LHX3: variants seen among roughly 807,000 people sequenced by gnomAD.
LHX3 encodes LIM/homeobox protein Lhx3.
A neutral mutation model predicts 32.4 loss-of-function variants in LHX3; 21 were observed. That is an observed-to-expected ratio of 0.65 (90% CI 0.46 to 0.93). LHX3 has a LOEUF of 0.93. LHX3 is among the 40% of genes least tolerant of loss of function. The pLI, the probability that LHX3 is intolerant of heterozygous loss-of-function variation, is 0.00. For missense variants in LHX3, 626 were observed against 560.0 expected (o/e 1.12, Z -1.19); for synonymous variants, 258 against 246.8 (o/e 1.05, Z -0.43).
In LHX3 at chr9:136,199,038, CGCTTGGCCGTGGCCTCG is replaced by C; in HGVS notation, c.459_475del (p.Glu154AlafsTer95). On this transcript the variant is annotated frameshift_variant, in exon 4 of 6. Transcript: ENST00000371748. LOFTEE classifies it high-confidence loss of function. ...CTTGGCGGTGATGGTCGTGCGCGGC[CGCTTGGCCGTGGCCTCG>C]GCCTCTGCGCGGCGGGCGAGCGGTG... 6.3e-7 allele frequency: 1 copy of C among 1,576,274 alleles called. No individual in the cohort carries two copies. Among genetic ancestry groups the C allele is most frequent in the Non-Finnish European group, 8.6e-7 (1 of 1,167,254 alleles).
chr9:136,197,809 T>C (rs2131030963), intron 5 of LHX3, 66 bp from the exon 6 acceptor site: 1 of 1,561,586 alleles, frequency 6.4e-7, no homozygotes, highest in Non-Finnish European at 8.7e-7. Flanking sequence ...AGTCCCATCC[T>C]GCAGGCGGAG....
chr9:136,196,893 T>G lies in LHX3; in HGVS notation c.*432A>C. The G allele has an allele frequency of 5.4e-6, 1 of 185,310 alleles. No homozygotes were observed. Among genetic ancestry groups the G allele is most frequent in the Non-Finnish European group, 1.1e-5 (1 of 89,144 alleles). The allele number at this position is 185,310 out of a possible 1,614,324, so 11.5% of individuals were successfully genotyped here. On this transcript the variant is annotated 3_prime_UTR_variant, in exon 6 of 6. Transcript: ENST00000371748. The stretch of plus-strand genomic sequence containing the variant: ...CCGACCTAAAGAGGGAGCCTCGGGG[T>G]GACGGCTCCAAGACACATGGAGCCT...
Position 136,197,000 on chromosome 9 carries a change from G to T in LHX3, c.*325C>A, listed in dbSNP as rs1831506071. Reference sequence around the variant, plus strand: ...CCAGCCCTCGGGCTATGCTGGGCTGGGCTGGGCCTCAGCAAGGTGACATTT... The same window carrying T: ...CCAGCCCTCGGGCTATGCTGGGCTGTGCTGGGCCTCAGCAAGGTGACATTT... On this transcript the variant is annotated 3_prime_UTR_variant, in exon 6 of 6. Coordinates refer to ENST00000371748, the MANE Select transcript of LHX3 (RefSeq NM_178138.6). 2.1e-6 allele frequency: 1 copy of T among 471,812 alleles called. No individual in the cohort carries two copies. The highest frequency in any genetic ancestry group is 5.8e-4 in the Middle Eastern group (1 of 1,732). 29.2% of individuals were successfully genotyped at this position (471,812 alleles called of 1,614,324 possible).
At chr9:136,204,901 C>G in intron 1 of LHX3, 33 bp downstream of exon 1, 2 of 1,561,222 alleles carry the variant, frequency 1.3e-6, no homozygotes, top group Non-Finnish European at 1.7e-6. Flanking sequence ...CCGCCCTTGC[C>G]GTTTCTGTCC....
intron 3 of LHX3, among the ~76,000 whole-genome samples, chr9:136,199,392 T>C (rs910370261): frequency 2.0e-5 from 3 of 152,166 alleles, no homozygotes; most frequent in Admixed American, 6.5e-5. Flanking sequence ...CCCTTTATTC[T>C]AAGGGTGTGG....
chr9:136,203,489 G>C (rs935961741), intron 1 of LHX3, among the ~76,000 whole-genome samples: 1 of 152,162 alleles, frequency 6.6e-6, no homozygotes. Flanking sequence ...GAGAGGGGTC[G>C]AGAAGGCAGC....
In LHX3 at chr9:136,197,098, T is replaced by C; in HGVS notation, c.*227A>G. 1 of 591,704 alleles carries C rather than the reference T, an allele frequency of 1.7e-6. No individual in the cohort carries two copies. The highest frequency in any genetic ancestry group is 2.0e-5 in the South Asian group (1 of 49,332). 36.7% of individuals were successfully genotyped at this position (591,704 alleles called of 1,614,324 possible). The stretch of plus-strand genomic sequence containing the variant: ...GGAGAAATTTGCTTACAAAAAAGGC[T>C]GGCTTGCTGGGAGGCCACCTGGCGG... On this transcript the variant is annotated 3_prime_UTR_variant, in exon 6 of 6. Transcript: ENST00000371748.
chr9:136,198,548 C>T, intron 5 of LHX3, 104 bp downstream of exon 5: 2 of 1,269,456 alleles, frequency 1.6e-6, no homozygotes, highest in South Asian at 1.3e-5. Context: ...CTTAAGGAGT[C>T]CACTAACTCC....
At chr9:136,204,407 G>A (rs957149184) in intron 1 of LHX3, among the ~76,000 whole-genome samples, 15 of 151,994 alleles carry the variant, frequency 9.9e-5, no homozygotes, top group Non-Finnish European at 1.5e-4. Flanking sequence ...AAGCGATCAG[G>A]GGTCGTGTGT....
At chr9:136,201,044 T>C in intron 1 of LHX3, 1 of 1,096,546 alleles carries the variant, frequency 9.1e-7, no homozygotes, top group East Asian at 2.6e-5. Flanking sequence ...GAATACTCAA[T>C]TACAAAATGT....
At chr9:136,203,434 A>G (rs759414332) in intron 1 of LHX3, among the ~76,000 whole-genome samples, 71 of 152,306 alleles carry the variant, frequency 4.7e-4, no homozygotes, top group Non-Finnish European at 9.4e-4. Context: ...GCCCAGAGGC[A>G]GAGGCCTGAG....
In LHX3 at chr9:136,198,978, G is replaced by T; in HGVS notation, c.536C>A (p.Ser179Ter). The change falls in exon 4 of 6, where the codon TCG becomes TAG. Residue 179 changes from serine to a stop codon, truncating the protein, a stop_gained. Coordinates refer to ENST00000371748, the MANE Select transcript of LHX3 (RefSeq NM_178138.6). LOFTEE classifies it high-confidence loss of function. ...GCGCACGTGGCGCGCCGGCTTGGGC[G>T]AGGTGTTGTAAGCGCTCTTCAGCGT... ...LETLKSAYNT[S>*]PKPARHVREQ... The T allele has an allele frequency of 6.3e-7, 1 of 1,593,268 alleles. No individual in the cohort carries two copies.
At chr9:136,200,486 G>A (rs1163404404) in intron 2 of LHX3, 96 bp downstream of exon 2, 11 of 1,360,634 alleles carry the variant, frequency 8.1e-6, no homozygotes, top group South Asian at 7.4e-5. Context: ...GAGAGACGCA[G>A]GCTTCGAGGG....
In LHX3 at chr9:136,199,620, G is replaced by A. The variant is rs896183767; in HGVS notation, c.454+58C>T. The A allele has an allele frequency of 1.9e-6, 3 of 1,575,102 alleles. No homozygotes were observed. In the African/African-American group the frequency reaches 4.0e-5, roughly 21 times the overall value. On this transcript the variant is annotated intron_variant, in intron 3 of 5. Transcript: ENST00000371748. The stretch of plus-strand genomic sequence containing the variant: ...TTCCCCGGACGCCCCCCTGGGCGTG[G>A]CCTCAGCCCCATTTTTTTCAGACCA...
At chr9:136,204,710 A>T (rs1169138518) in intron 1 of LHX3, among the ~76,000 whole-genome samples, 2 of 151,774 alleles carry the variant, frequency 1.3e-5, no homozygotes, top group African/African-American at 4.8e-5. Context: ...CTTTTTTTCT[A>T]GGGGCCTCCA....
chr9:136,199,587 G>T (rs1831586188), intron 3 of LHX3, 91 bp downstream of exon 3: 2 of 1,387,490 alleles, frequency 1.4e-6, no homozygotes, highest in Non-Finnish European at 2.0e-6. Context: ...AGCGCTTGGG[G>T]AGAGAATTTC....
chr9:136,202,319 G>A (rs1831660715), intron 1 of LHX3, among the ~76,000 whole-genome samples: 1 of 152,118 alleles, frequency 6.6e-6, no homozygotes, highest in Middle Eastern at 3.4e-3. Context: ...CCATCCTGCG[G>A]CTCCAGCTGG....
intron 1 of LHX3, among the ~76,000 whole-genome samples, chr9:136,204,604 CG>C (rs1831714456): frequency 6.6e-6 from 1 of 152,166 alleles, no homozygotes. Flanking sequence ...AGACCTGGGC[CG>C]GGCTGTGTGC....
At chr9:136,199,130 C>A in intron 3 of LHX3, 71 bp from the exon 4 acceptor site, 1 of 922,086 alleles carries the variant, frequency 1.1e-6, no homozygotes, top group Non-Finnish European at 1.4e-6. Context: ...CCTCCCACCC[C>A]GGCCGGCGCG....
Sources: allele counts gnomAD v4.1 joint callset (sites outside exome capture counted in the v4.1 genomes callset), GRCh38; gene constraint gnomAD v4.1.1; transcripts MANE v1.5; gene names NCBI Gene and HGNC (gene_info 2026-07-23, HGNC 2026-07-21).